The following EPHB1 variants were observed in gnomAD, a reference collection of about 807,000 sequenced individuals.
The protein encoded by EPHB1 is ephrin type-B receptor 1.
Under a neutral mutation model 94.4 loss-of-function variants are expected in EPHB1, and 30 were observed. The observed-to-expected ratio is 0.32, with a 90% CI of 0.24 to 0.43. The LOEUF (loss-of-function observed/expected upper bound fraction) is 0.43. Among genes scored for constraint, EPHB1 ranks in the 20% least tolerant of loss-of-function variants. The pLI, the probability that EPHB1 is intolerant of heterozygous loss-of-function variation, is 1.00. For synonymous variants in EPHB1, 522 were observed against 489.1 expected (o/e 1.07, Z -0.89); for missense variants, 1,055 against 1,308.3 (o/e 0.81, Z 2.99).
chr3:135,124,073 T>G (rs146137998), intron 4 of EPHB1, among the ~76,000 whole-genome samples: 4 of 151,836 alleles, frequency 2.6e-5, no homozygotes, highest in Non-Finnish European at 4.4e-5. Flanking sequence ...TTTCTAATCT[T>G]TATTATGACC....
intron 3 of EPHB1, among the ~76,000 whole-genome samples, chr3:135,001,580 C>T (rs1030002866): frequency 4.6e-5 from 7 of 152,146 alleles, no homozygotes; most frequent in Non-Finnish European, 5.9e-5. Flanking sequence ...CAAAGCCTTC[C>T]CTCACCACTA....
chr3:135,057,120 G>T (rs984948136), intron 3 of EPHB1, among the ~76,000 whole-genome samples: 5 of 152,180 alleles, frequency 3.3e-5, no homozygotes, highest in Non-Finnish European at 5.9e-5. Flanking sequence ...AATCTGGTGA[G>T]GAGGGGGCTG....
intron 3 of EPHB1, among the ~76,000 whole-genome samples, chr3:135,069,117 A>T (rs1937627192): frequency 6.6e-6 from 1 of 151,082 alleles, no homozygotes; most frequent in Non-Finnish European, 1.5e-5. Flanking sequence ...CATATCTAAG[A>T]AGCCGCATTA....
At chr3:134,808,100 G>A (rs116296615) in intron 1 of EPHB1, among the ~76,000 whole-genome samples, 4,200 of 152,248 alleles carry the variant, frequency 0.028, 141 homozygotes, top group African/African-American at 0.064. Flanking sequence ...GGATCTGCAG[G>A]GATGAATGGA....
chr3:135,168,710 G>T (rs957805832), intron 9 of EPHB1, among the ~76,000 whole-genome samples: 2 of 152,138 alleles, frequency 1.3e-5, no homozygotes, highest in South Asian at 4.1e-4. Context: ...CCTGACTCTT[G>T]CTCAGGGCTG....
intron 12 of EPHB1, among the ~76,000 whole-genome samples, chr3:135,208,402 TA>T: frequency 6.6e-6 from 1 of 151,330 alleles, no homozygotes; most frequent in African/African-American, 2.4e-5. Context: ...TTTAGAAAAA[TA>T]GCCTGGCTTT....
At chr3:135,171,565 C>T (rs1230875372) in intron 9 of EPHB1, among the ~76,000 whole-genome samples, 2 of 152,138 alleles carry the variant, frequency 1.3e-5, no homozygotes, top group Non-Finnish European at 2.9e-5. Context: ...TTGAAATCTG[C>T]AAGACAAAAT....
chr3:135,241,242 T>A lies in EPHB1; in HGVS notation c.2441T>A (p.Met814Lys), dbSNP rs907009159. 6.2e-7 allele frequency: 1 copy of A among 1,614,222 alleles called. No individual in the cohort carries two copies. The highest frequency in any genetic ancestry group is 1.3e-5 in the African/African-American group (1 of 75,062). The change falls in exon 13 of 16, where the codon ATG (methionine) becomes AAG (lysine). Residue 814 changes from methionine (M) to lysine (K), a missense_variant. Physicochemically the swap from Met to Lys is moderately conservative, Grantham distance 95 (BLOSUM62 -1). Coordinates refer to ENST00000398015, the MANE Select transcript of EPHB1 (RefSeq NM_004441.5). ...ASDVWSYGIVMWEVMSFGERP... is the reference protein window; with the variant it reads ...ASDVWSYGIVKWEVMSFGERP... Reference sequence around the variant, plus strand: ...GACGTTTGGAGCTATGGGATCGTCATGTGGGAAGTCATGTCATTTGGAGAG... The same window carrying A: ...GACGTTTGGAGCTATGGGATCGTCAAGTGGGAAGTCATGTCATTTGGAGAG...
At chr3:134,814,731 C>T (rs2036237046) in intron 1 of EPHB1, among the ~76,000 whole-genome samples, 1 of 152,222 alleles carries the variant, frequency 6.6e-6, no homozygotes, top group Non-Finnish European at 1.5e-5. Context: ...GAAGGCTCTG[C>T]ATCTTGTTGC....
At chr3:135,095,519 A>T (rs536535922) in intron 3 of EPHB1, among the ~76,000 whole-genome samples, 246 of 152,188 alleles carry the variant, frequency 1.6e-3, no homozygotes, top group African/African-American at 5.6e-3. Flanking sequence ...AACCAGTGTG[A>T]TCCTTTAGAA....
At chr3:134,996,869 T>C (rs1935012931) in intron 3 of EPHB1, among the ~76,000 whole-genome samples, 1 of 152,142 alleles carries the variant, frequency 6.6e-6, no homozygotes, top group African/African-American at 2.4e-5. Context: ...GTATATTTCA[T>C]TTCTTTTGAG....
At chr3:135,022,379 C>T (rs1439190916) in intron 3 of EPHB1, among the ~76,000 whole-genome samples, 1 of 152,156 alleles carries the variant, frequency 6.6e-6, no homozygotes, top group Non-Finnish European at 1.5e-5. Flanking sequence ...AAGATTTTTA[C>T]TAACTTCATA....
At chr3:134,850,523 GGACTT>G (rs1397077787) in intron 1 of EPHB1, among the ~76,000 whole-genome samples, 9 of 152,236 alleles carry the variant, frequency 5.9e-5, no homozygotes, top group Admixed American at 5.9e-4. Context: ...ACAGGGATGG[GGACTT>G]GACCTCACTG....
At chr3:134,871,060 T>C (rs2037489170) in intron 1 of EPHB1, among the ~76,000 whole-genome samples, 1 of 152,196 alleles carries the variant, frequency 6.6e-6, no homozygotes, top group African/African-American at 2.4e-5. Context: ...TACTACACAC[T>C]GAGAAAGGTC....
intron 10 of EPHB1, among the ~76,000 whole-genome samples, chr3:135,191,319 A>G (rs1942450372): frequency 6.6e-6 from 1 of 152,316 alleles, no homozygotes; most frequent in South Asian, 2.1e-4. Context: ...GAAGTTTTGC[A>G]TAACAGTCCT....
In EPHB1 at chr3:134,935,687, G is replaced by A. The variant is rs529141552; in HGVS notation, c.123+9807G>A. 5.3e-5 allele frequency among the ~76,000 whole-genome samples: 8 copies of A among 152,246 alleles called. No homozygotes were observed. In the South Asian group the frequency reaches 1.5e-3, roughly 28 times the overall value. The stretch of plus-strand genomic sequence containing the variant: ...CTAGTGGTAACAACGACTCTTGTTC[G>A]AAAGACCTAACTTGTATGGGATGAG... On this transcript the variant is annotated intron_variant, in intron 2 of 15. Coordinates refer to ENST00000398015, the MANE Select transcript of EPHB1 (RefSeq NM_004441.5).
At position 135,240,177 on chromosome 3, in the gene EPHB1, A is replaced by G. The variant is rs113285505; in HGVS notation, c.2347-971A>G. On this transcript the variant is annotated intron_variant, in intron 12 of 15. Transcript: ENST00000398015. Reference sequence around the variant, plus strand: ...CTCACTTTTCAATGTTTTTAACAATATATTTTAAGTTTTTGTTTTCTTGTC... The same window carrying G: ...CTCACTTTTCAATGTTTTTAACAATGTATTTTAAGTTTTTGTTTTCTTGTC... 1.6e-3 allele frequency among the ~76,000 whole-genome samples: 238 copies of G among 152,264 alleles called. 1 individual carries two copies. Among genetic ancestry groups the G allele is most frequent in the African/African-American group, 5.4e-3 (226 of 41,552 alleles).
intron 1 of EPHB1, among the ~76,000 whole-genome samples, chr3:134,829,396 G>A (rs2036541126): frequency 6.6e-6 from 1 of 152,178 alleles, no homozygotes; most frequent in African/African-American, 2.4e-5. Flanking sequence ...GGACCTATCA[G>A]GAGAAGGCAA....
intron 9 of EPHB1, among the ~76,000 whole-genome samples, chr3:135,175,464 T>C (rs1271978137): frequency 6.6e-6 from 1 of 152,224 alleles, no homozygotes; most frequent in African/African-American, 2.4e-5. Context: ...ATCTCAACTA[T>C]AGCATAAGTG....
Sources: gnomAD v4.1 joint callset for allele counts (sites outside exome capture counted in the v4.1 genomes callset) on GRCh38, gnomAD v4.1.1 for gene constraint, MANE v1.5 for transcripts, NCBI Gene and HGNC (gene_info 2026-07-23, HGNC 2026-07-21) for gene names.